The following GPC3 variants were observed in gnomAD, a reference collection of about 807,000 sequenced individuals.
GPC3 encodes glypican 3, also known as glypican-3.
A neutral mutation model predicts 34.4 loss-of-function variants in GPC3; 3 were observed. That is an observed-to-expected ratio of 0.09 (90% confidence interval 0.04 to 0.23). The LOEUF (loss-of-function observed/expected upper bound fraction) is 0.23, where lower values mean the gene tolerates loss of function less well. Among genes scored for constraint, GPC3 ranks in the 10% least tolerant of loss-of-function variants. The pLI, the probability that GPC3 is intolerant of heterozygous loss-of-function variation, is 1.00. For missense variants in GPC3, 351 were observed against 445.6 expected (o/e 0.79, Z 1.91); for synonymous variants, 177 against 174.0 (o/e 1.02, Z -0.13).
At chrX:133,800,719 A>T (rs1292271378) in intron 2 of GPC3, among the ~76,000 whole-genome samples, 3 of 111,885 alleles carry the variant, frequency 2.7e-5, no homozygotes, top group Non-Finnish European at 1.9e-5. Flanking sequence ...CTGTTTAGAG[A>T]GAGCCATTAG....
chrX:133,690,937 C>T (rs1181272236), intron 5 of GPC3, among the ~76,000 whole-genome samples: 2 of 111,707 alleles, frequency 1.8e-5, no homozygotes, highest in Non-Finnish European at 3.8e-5. Flanking sequence ...TTGTGGTTTC[C>T]TAAGCATTCT....
chrX:133,913,368 C>T (rs948297530), intron 2 of GPC3, among the ~76,000 whole-genome samples: 5 of 112,480 alleles, frequency 4.4e-5, no homozygotes, highest in Non-Finnish European at 9.4e-5. Context: ...ATGAATTTAG[C>T]AAAAAGTCAG....
intron 2 of GPC3, among the ~76,000 whole-genome samples, chrX:133,906,546 T>C (rs1603269853): frequency 1.8e-5 from 2 of 111,877 alleles, no homozygotes; most frequent in Non-Finnish European, 3.8e-5. Flanking sequence ...GAGCAATATA[T>C]AAATATCCAT....
intron 5 of GPC3, among the ~76,000 whole-genome samples, chrX:133,687,670 C>A (rs905423676): frequency 2.7e-5 from 3 of 110,897 alleles, no homozygotes; most frequent in Non-Finnish European, 5.7e-5. Flanking sequence ...TTGTGATCTG[C>A]CTGCCTCGGC....
chrX:133,602,313 A>G (rs1418838163), intron 6 of GPC3, among the ~76,000 whole-genome samples: 1 of 111,706 alleles, frequency 9.0e-6, no homozygotes, highest in Non-Finnish European at 1.9e-5. Flanking sequence ...ACAGCTAGAT[A>G]GGAGGAATTA....
At chrX:133,795,874 T>C (rs1364146654) in intron 2 of GPC3, among the ~76,000 whole-genome samples, 1 of 110,099 alleles carries the variant, frequency 9.1e-6, no homozygotes, top group Non-Finnish European at 1.9e-5. Context: ...TTTTTCACAG[T>C]TTAATATTTT....
intron 2 of GPC3, among the ~76,000 whole-genome samples, chrX:133,789,339 A>T (rs1450753740): frequency 8.9e-6 from 1 of 111,972 alleles, no homozygotes; most frequent in Non-Finnish European, 1.9e-5. Flanking sequence ...GTGCAATGGC[A>T]TCAAGTCTTT....
chrX:133,897,527 C>T lies in GPC3; in HGVS notation c.337+55523G>A, dbSNP rs6634943. Reference sequence around the variant, plus strand: ...GCAACCCCCTTGTATATAAGGATACCGTGCTATTCTGCCTATAGCAGCAGT... The same window carrying T: ...GCAACCCCCTTGTATATAAGGATACTGTGCTATTCTGCCTATAGCAGCAGT... On this transcript the variant is annotated intron_variant, in intron 2 of 7. Transcript: ENST00000370818. 8.6e-3 allele frequency among the ~76,000 whole-genome samples: 942 copies of T among 109,653 alleles called. 10 individuals carry two copies. Among genetic ancestry groups the T allele is most frequent in the Non-Finnish European group, 0.013 (670 of 52,672 alleles).
At chrX:133,554,681 T>C (rs1400195605) in intron 7 of GPC3, among the ~76,000 whole-genome samples, 1 of 110,734 alleles carries the variant, frequency 9.0e-6, no homozygotes, top group East Asian at 2.9e-4. Flanking sequence ...CTCACCCTGC[T>C]GCTCTGGCTC....
intron 6 of GPC3, among the ~76,000 whole-genome samples, chrX:133,651,035 C>T (rs1276788273): frequency 9.0e-6 from 1 of 111,464 alleles, no homozygotes; most frequent in Non-Finnish European, 1.9e-5. Context: ...AGATGTCTCA[C>T]TGAGACTCTC....
chrX:133,831,892 T>C (rs2075777032), intron 2 of GPC3, among the ~76,000 whole-genome samples: 1 of 112,586 alleles, frequency 8.9e-6, no homozygotes, highest in Non-Finnish European at 1.9e-5. Context: ...ATCTATTAAC[T>C]CATTTAATTT....
intron 3 of GPC3, among the ~76,000 whole-genome samples, chrX:133,715,153 A>G (rs1230706768): frequency 1.8e-5 from 2 of 112,000 alleles, no homozygotes; most frequent in African/African-American, 6.5e-5. Flanking sequence ...AGAATGTGGA[A>G]GGCACCAGAC....
At chrX:133,641,806 A>G (rs777173582) in intron 6 of GPC3, among the ~76,000 whole-genome samples, 1 of 112,206 alleles carries the variant, frequency 8.9e-6, no homozygotes, top group Non-Finnish European at 1.9e-5. Flanking sequence ...GCCTGCTTTG[A>G]TTTTCAAACT....
chrX:133,613,467 A>T (rs2070130680), intron 6 of GPC3, among the ~76,000 whole-genome samples: 1 of 112,199 alleles, frequency 8.9e-6, no homozygotes, highest in Non-Finnish European at 1.9e-5. Flanking sequence ...GTATTATGGA[A>T]AGAGGCTTGT....
At position 133,564,062 on chromosome X, in the gene GPC3, A is replaced by T. The variant is rs1385466137; in HGVS notation, c.1574-27769T>A. ...CAAACTAGAGTGATACGCCACTGTT[A>T]GTTTGGTCTGGGCCTATTTACCAGT... On this transcript the variant is annotated intron_variant, in intron 7 of 7. Transcript: ENST00000370818. 3.6e-5 allele frequency among the ~76,000 whole-genome samples: 4 copies of T among 111,085 alleles called. No homozygotes were observed. In the Admixed American group the frequency reaches 3.9e-4, roughly 11 times the overall value.
intron 2 of GPC3, among the ~76,000 whole-genome samples, chrX:133,851,467 T>C (rs1478282518): frequency 8.9e-6 from 1 of 112,025 alleles, no homozygotes; most frequent in Non-Finnish European, 1.9e-5. Flanking sequence ...AATATACTTG[T>C]TATAGTGCAG....
intron 3 of GPC3, among the ~76,000 whole-genome samples, chrX:133,723,836 A>G (rs1475595151): frequency 8.9e-6 from 1 of 111,809 alleles, no homozygotes; most frequent in African/African-American, 3.3e-5. Flanking sequence ...TTCTTTATAA[A>G]TTACTCAGAC....
At chrX:133,553,327 C>T (rs1213037986) in intron 7 of GPC3, among the ~76,000 whole-genome samples, 1 of 111,503 alleles carries the variant, frequency 9.0e-6, no homozygotes, top group African/African-American at 3.3e-5. Context: ...ATCTCACTTT[C>T]TGTAGGGCCA....
intron 2 of GPC3, among the ~76,000 whole-genome samples, chrX:133,831,420 A>G (rs1183620554): frequency 1.8e-5 from 2 of 112,073 alleles, no homozygotes; most frequent in Non-Finnish European, 3.8e-5. Flanking sequence ...ATTTCAAAAT[A>G]AAAACTTATA....
Sources: gnomAD v4.1 joint callset for allele counts (sites outside exome capture counted in the v4.1 genomes callset) on GRCh38, gnomAD v4.1.1 for gene constraint, MANE v1.5 for transcripts, NCBI Gene and HGNC (gene_info 2026-07-23, HGNC 2026-07-21) for gene names.